The following SEMA5A variants were observed in gnomAD, a reference collection of about 807,000 sequenced individuals.
The protein encoded by SEMA5A is semaphorin 5A, also known as semaphorin-5A.
In SEMA5A, 55 loss-of-function variants were observed where a neutral mutation model predicts 135.5. The observed-to-expected ratio is 0.41, with a 90% CI of 0.33 to 0.51. SEMA5A has a LOEUF of 0.51. Ranked by LOEUF, SEMA5A falls within the 20% of genes least tolerant of loss-of-function variation. The probability of loss-of-function intolerance (pLI) is 0.37; values close to 1 mark genes in which losing one functional copy is unlikely to be tolerated. For synonymous variants in SEMA5A, 580 were observed against 546.5 expected (o/e 1.06, Z -0.85); for missense variants, 1,290 against 1,419.9 (o/e 0.91, Z 1.47).
At chr5:9,397,849 G>T (rs553924264) in intron 2 of SEMA5A, among the ~76,000 whole-genome samples, 2 of 152,262 alleles carry the variant, frequency 1.3e-5, no homozygotes, top group African/African-American at 4.8e-5. Flanking sequence ...GAATGTGGAA[G>T]ACAGTGTCAA....
At chr5:9,275,087 A>G (rs185458294) in intron 5 of SEMA5A, among the ~76,000 whole-genome samples, 59 of 152,252 alleles carry the variant, frequency 3.9e-4, no homozygotes, top group Non-Finnish European at 7.2e-4. Context: ...ACTTCTAGCC[A>G]GACTAATAAA....
chr5:9,263,452 T>G (rs1749513380), intron 5 of SEMA5A, among the ~76,000 whole-genome samples: 1 of 152,320 alleles, frequency 6.6e-6, no homozygotes, highest in African/African-American at 2.4e-5. Flanking sequence ...CTACTCTTTA[T>G]GGGACTCTAG....
chr5:9,284,013 T>C (rs532543882), intron 5 of SEMA5A, among the ~76,000 whole-genome samples: 1 of 150,988 alleles, frequency 6.6e-6, no homozygotes, highest in South Asian at 2.1e-4. Flanking sequence ...TAACAGATAA[T>C]AGGCAGATGA....
chr5:9,159,949 G>T (rs1743159664), intron 11 of SEMA5A, among the ~76,000 whole-genome samples: 2 of 152,020 alleles, frequency 1.3e-5, no homozygotes, highest in African/African-American at 4.8e-5. Flanking sequence ...AGCTAACACA[G>T]GAACAGAAAA....
intron 3 of SEMA5A, among the ~76,000 whole-genome samples, chr5:9,353,111 GGAAA>G (rs1561176895): frequency 0.012 from 148 of 12,754 alleles, 2 homozygotes; most frequent in African/African-American, 0.014. Flanking sequence ...GGAAAGGAAA[GGAAA>G]GGAAAGGAAA....
intron 8 of SEMA5A, among the ~76,000 whole-genome samples, chr5:9,218,920 C>T (rs138659466): frequency 4.5e-4 from 69 of 152,340 alleles, no homozygotes; most frequent in African/African-American, 1.4e-3. Flanking sequence ...GACATTGTAT[C>T]GGACTTTGGG....
intron 12 of SEMA5A, among the ~76,000 whole-genome samples, chr5:9,138,011 G>A (rs1487739671): frequency 2.0e-5 from 3 of 152,168 alleles, no homozygotes; most frequent in Non-Finnish European, 4.4e-5. Flanking sequence ...TATGTTTACA[G>A]TTGATAAATC....
At chr5:9,179,095 C>G (rs1395121541) in intron 11 of SEMA5A, among the ~76,000 whole-genome samples, 2 of 152,134 alleles carry the variant, frequency 1.3e-5, no homozygotes, top group African/African-American at 4.8e-5. Context: ...ATACCATCAT[C>G]TCAAAAAGAA....
intron 12 of SEMA5A, among the ~76,000 whole-genome samples, chr5:9,143,265 A>G: frequency 6.6e-6 from 1 of 152,176 alleles, no homozygotes; most frequent in East Asian, 1.9e-4. Context: ...AGGTAGTTGA[A>G]AACATTCTAT....
At chr5:9,278,428 T>C (rs1446809241) in intron 5 of SEMA5A, among the ~76,000 whole-genome samples, 1 of 152,126 alleles carries the variant, frequency 6.6e-6, no homozygotes, top group Non-Finnish European at 1.5e-5. Flanking sequence ...GTTTGGAAAA[T>C]TTGCAGTATG....
At chr5:9,336,244 T>C (rs533237505) in intron 4 of SEMA5A, among the ~76,000 whole-genome samples, 2 of 152,300 alleles carry the variant, frequency 1.3e-5, no homozygotes, top group South Asian at 4.1e-4. Flanking sequence ...TAATTCCACA[T>C]GCCTGGACCA....
intron 11 of SEMA5A, among the ~76,000 whole-genome samples, chr5:9,175,771 A>G (rs763870080): frequency 3.9e-5 from 6 of 152,250 alleles, no homozygotes; most frequent in Non-Finnish European, 8.8e-5. Context: ...TTAAATAGGA[A>G]CAGCCTCGTA....
intron 9 of SEMA5A, 31 bp from the exon 10 acceptor site, chr5:9,197,334 C>CA (rs1242159817): frequency 6.2e-7 from 1 of 1,604,158 alleles, no homozygotes; most frequent in Non-Finnish European, 8.5e-7. Context: ...AGAAGGCAGT[C>CA]AGAGAGCTCG....
chr5:9,145,024 T>C (rs1045802932), intron 12 of SEMA5A, among the ~76,000 whole-genome samples: 2 of 138,354 alleles, frequency 1.4e-5, no homozygotes, highest in Non-Finnish European at 3.3e-5. Flanking sequence ...CTGTCATTTT[T>C]ACTTTTTTTT....
At chr5:9,050,770 C>T (rs1229854215) in intron 20 of SEMA5A, among the ~76,000 whole-genome samples, 2 of 152,342 alleles carry the variant, frequency 1.3e-5, no homozygotes, top group African/African-American at 4.8e-5. Flanking sequence ...GGGGGGATCC[C>T]CCCACTCTGC....
At chr5:9,191,827 C>T (rs1242698521) in intron 10 of SEMA5A, among the ~76,000 whole-genome samples, 1 of 152,044 alleles carries the variant, frequency 6.6e-6, no homozygotes, top group Non-Finnish European at 1.5e-5. Flanking sequence ...GGGCTCAGCC[C>T]TGCCATGACC....
At chr5:9,200,155 T>C (rs1745626854) in intron 9 of SEMA5A, among the ~76,000 whole-genome samples, 1 of 152,216 alleles carries the variant, frequency 6.6e-6, no homozygotes, top group Admixed American at 6.5e-5. Context: ...CAACACAAAT[T>C]AGTATTCCAG....
At chr5:9,301,085 C>G (rs1247554545) in intron 5 of SEMA5A, among the ~76,000 whole-genome samples, 2 of 152,182 alleles carry the variant, frequency 1.3e-5, no homozygotes, top group African/African-American at 4.8e-5. Flanking sequence ...ATGGCCAGAA[C>G]TGACTGGTTT....
chr5:9,487,873 C>T (rs1473965794), intron 1 of SEMA5A, among the ~76,000 whole-genome samples: 2 of 152,174 alleles, frequency 1.3e-5, no homozygotes, highest in Non-Finnish European at 2.9e-5. Flanking sequence ...AACTTTCGCA[C>T]ATTTATTGTG....
Sources: gnomAD v4.1 joint callset for allele counts (sites outside exome capture counted in the v4.1 genomes callset) on GRCh38, gnomAD v4.1.1 for gene constraint, MANE v1.5 for transcripts, NCBI Gene and HGNC (gene_info 2026-07-23, HGNC 2026-07-21) for gene names.